Variants in CCDC178 observed in about 807,000 individuals in gnomAD.
CCDC178 encodes the protein coiled-coil domain containing 178.
A neutral mutation model predicts 117.4 loss-of-function variants in CCDC178; 126 were observed. The ratio of observed to expected loss-of-function variants is 1.07; its 90% CI spans 0.93 to 1.24. CCDC178 has a LOEUF of 1.24. Among genes scored for constraint, CCDC178 ranks in the 50% most tolerant of loss-of-function variants. The pLI, the probability that CCDC178 is intolerant of heterozygous loss-of-function variation, is 0.00. For synonymous variants in CCDC178, 283 were observed against 313.4 expected (o/e 0.90, Z 1.02); for missense variants, 1,030 against 986.9 (o/e 1.04, Z -0.59).
At chr18:33,329,616 T>A (rs1231685579) in intron 10 of CCDC178, among the ~76,000 whole-genome samples, 2 of 152,188 alleles carry the variant, frequency 1.3e-5, no homozygotes, top group South Asian at 2.1e-4. Context: ...ATATATTGTA[T>A]CACATATGTA....
chr18:33,063,882 C>A (rs2056970327), intron 21 of CCDC178, among the ~76,000 whole-genome samples: 2 of 152,204 alleles, frequency 1.3e-5, no homozygotes, highest in Non-Finnish European at 2.9e-5. Flanking sequence ...ACTGCACTAA[C>A]TGCAACCCAA....
chr18:33,230,246 CTGTGTGTGTG>C (rs111674114), intron 15 of CCDC178, among the ~76,000 whole-genome samples: 3 of 148,096 alleles, frequency 2.0e-5, no homozygotes, highest in African/African-American at 7.4e-5. Context: ...AACTCAGAGG[CTGTGTGTGTG>C]TGTGTGTGTG....
chr18:33,438,349 G>C (rs1002721741), intron 2 of CCDC178, among the ~76,000 whole-genome samples: 8 of 152,086 alleles, frequency 5.3e-5, no homozygotes, highest in African/African-American at 1.9e-4. Context: ...TCCCCTGTCT[G>C]CATTTGAGTC....
intron 22 of CCDC178, among the ~76,000 whole-genome samples, chr18:32,938,982 T>C (rs1352488065): frequency 6.6e-6 from 1 of 152,108 alleles, no homozygotes; most frequent in Non-Finnish European, 1.5e-5. Context: ...ATATAAGCGG[T>C]TTTTTGGGTA....
intron 20 of CCDC178, among the ~76,000 whole-genome samples, chr18:33,148,451 G>A (rs1490670007): frequency 6.6e-6 from 1 of 151,412 alleles, no homozygotes. Flanking sequence ...CGTGGGGAGA[G>A]GGAGAGGGAG....
chr18:33,253,265 G>A lies in CCDC178; in HGVS notation c.1410-7837C>T, dbSNP rs1016338768. 5.3e-5 allele frequency among the ~76,000 whole-genome samples: 8 copies of A among 151,788 alleles called. No individual in the cohort carries two copies. In the East Asian group the frequency reaches 5.8e-4, roughly 11 times the overall value. On this transcript the variant is annotated intron_variant, in intron 14 of 22. Transcript: ENST00000383096. ...ACAAATATGGCATCTGTGTTTTAAC[G>A]TTGGCATTCTGAAGGTAAACTATAT...
intron 21 of CCDC178, among the ~76,000 whole-genome samples, chr18:33,053,439 T>C (rs941705735): frequency 1.3e-5 from 2 of 152,176 alleles, no homozygotes; most frequent in African/African-American, 4.8e-5. Context: ...CGGACATAGG[T>C]AATACTTTGT....
intron 7 of CCDC178, among the ~76,000 whole-genome samples, chr18:33,354,299 G>A (rs938513073): frequency 3.3e-5 from 5 of 152,116 alleles, no homozygotes; most frequent in African/African-American, 9.7e-5. Flanking sequence ...AGTTCATTGA[G>A]TTTAATGGAT....
chr18:33,078,236 T>C (rs1268814617), intron 21 of CCDC178, among the ~76,000 whole-genome samples: 1 of 152,148 alleles, frequency 6.6e-6, no homozygotes, highest in Non-Finnish European at 1.5e-5. Flanking sequence ...CAACATTGTT[T>C]CATATTAAAA....
intron 7 of CCDC178, among the ~76,000 whole-genome samples, chr18:33,353,102 A>T (rs1338665692): frequency 6.6e-6 from 1 of 151,898 alleles, no homozygotes; most frequent in Non-Finnish European, 1.5e-5. Flanking sequence ...TAGGTGTGTT[A>T]TATTTATAGT....
intron 20 of CCDC178, among the ~76,000 whole-genome samples, chr18:33,147,231 G>A (rs1775464549): frequency 2.0e-5 from 3 of 149,398 alleles, no homozygotes; most frequent in Non-Finnish European, 4.4e-5. Context: ...CAGGAGGTTA[G>A]GGCCCAGTCT....
At chr18:32,985,015 G>A (rs1402099695) in intron 21 of CCDC178, among the ~76,000 whole-genome samples, 23 of 151,786 alleles carry the variant, frequency 1.5e-4, no homozygotes, top group Admixed American at 1.5e-3. Flanking sequence ...ATAGTCTTCT[G>A]AGACCCACTT....
intron 20 of CCDC178, among the ~76,000 whole-genome samples, chr18:33,127,736 G>A (rs1056057864): frequency 5.3e-5 from 8 of 152,044 alleles, no homozygotes; most frequent in African/African-American, 1.9e-4. Context: ...GCCCAGCCCT[G>A]ATCAGTTGGT....
intron 20 of CCDC178, among the ~76,000 whole-genome samples, chr18:33,157,594 A>G (rs923264413): frequency 6.6e-6 from 1 of 152,206 alleles, no homozygotes; most frequent in Admixed American, 6.5e-5. Flanking sequence ...GTTTTAAAAA[A>G]ATACACAGAC....
At chr18:33,192,318 G>A (rs1361010088) in intron 20 of CCDC178, among the ~76,000 whole-genome samples, 1 of 152,208 alleles carries the variant, frequency 6.6e-6, no homozygotes, top group East Asian at 1.9e-4. Context: ...ATATAGATCA[G>A]TTAAGCAGCT....
At chr18:33,412,356 T>C (rs2063867725) in intron 2 of CCDC178, among the ~76,000 whole-genome samples, 1 of 152,086 alleles carries the variant, frequency 6.6e-6, no homozygotes, top group Non-Finnish European at 1.5e-5. Flanking sequence ...AACCAATACC[T>C]AGGCTGACTA....
chr18:33,251,159 A>G (rs2059615583), intron 14 of CCDC178, among the ~76,000 whole-genome samples: 1 of 151,672 alleles, frequency 6.6e-6, no homozygotes, highest in Non-Finnish European at 1.5e-5. Context: ...GATGAGTTAC[A>G]GGACTAAGGT....
intron 20 of CCDC178, among the ~76,000 whole-genome samples, chr18:33,201,130 A>C (rs1024848356): frequency 2.0e-5 from 3 of 152,206 alleles, no homozygotes; most frequent in African/African-American, 7.2e-5. Context: ...CTGTACTTCA[A>C]AGCATTCACC....
chr18:33,039,800 T>G (rs1227283057), intron 21 of CCDC178, among the ~76,000 whole-genome samples: 1 of 151,922 alleles, frequency 6.6e-6, no homozygotes. Flanking sequence ...CATTAAAAAT[T>G]TAGGCACTAA....
Sources: gnomAD v4.1 joint callset for allele counts (sites outside exome capture counted in the v4.1 genomes callset) on GRCh38, gnomAD v4.1.1 for gene constraint, MANE v1.5 for transcripts, NCBI Gene and HGNC (gene_info 2026-07-23, HGNC 2026-07-21) for gene names.